The following WDPCP variants were observed in gnomAD, a reference collection of about 807,000 sequenced individuals.
The protein encoded by WDPCP is WD repeat containing planar cell polarity effector.
Under a neutral mutation model 93.1 loss-of-function variants are expected in WDPCP, and 71 were observed. That is an observed-to-expected ratio of 0.76 (90% CI 0.63 to 0.93). The LOEUF (loss-of-function observed/expected upper bound fraction) is 0.93, where lower values mean the gene tolerates loss of function less well. Ranked by LOEUF, WDPCP falls within the 40% of genes least tolerant of loss-of-function variation. The pLI is 0.00. For synonymous variants in WDPCP, 315 were observed against 315.0 expected, an observed-to-expected ratio of 1.00 and a Z score of 0.00; for missense variants, 844 against 887.4, an observed-to-expected ratio of 0.95 and a Z score of 0.62.
intron 12 of WDPCP, among the ~76,000 whole-genome samples, chr2:63,354,688 A>G (rs923757357): frequency 1.5e-4 from 22 of 150,806 alleles, no homozygotes; most frequent in Admixed American, 1.3e-4. Flanking sequence ...GTGTACATAT[A>G]TGTGTGTGTA....
At chr2:63,660,613 C>T (rs1710215953) in intron 2 of WDPCP, among the ~76,000 whole-genome samples, 1 of 152,138 alleles carries the variant, frequency 6.6e-6, no homozygotes, top group Admixed American at 6.5e-5. Context: ...ATGTACCCCC[C>T]TGTATCTAAA....
chr2:63,588,569 T>G (rs965780037), upstream of WDPCP: 6 of 552,142 alleles, frequency 1.1e-5, no homozygotes, highest in East Asian at 3.2e-5. Context: ...TCTCTTTACC[T>G]CCCACGTTTA....
rs1006993920 is a variant in WDPCP, at chr2:63,289,479, A to G, written c.1812+23769T>C. On this transcript the variant is annotated intron_variant, in intron 13 of 17. Coordinates refer to ENST00000272321, the MANE Select transcript of WDPCP (RefSeq NM_015910.7). ...TTTAGAGAAGTATTATTTACTTTGTATTTGGGAACTTCATAGATATTTGGA... is the reference window on the plus strand; with the variant it reads ...TTTAGAGAAGTATTATTTACTTTGTGTTTGGGAACTTCATAGATATTTGGA... 2.6e-5 allele frequency among the ~76,000 whole-genome samples: 4 copies of G among 152,030 alleles called. No individual in the cohort carries two copies. In the East Asian group the frequency reaches 5.8e-4, roughly 22 times the overall value.
intron 1 of WDPCP, among the ~76,000 whole-genome samples, chr2:63,543,801 G>T (rs1402922886): frequency 6.6e-6 from 1 of 151,936 alleles, no homozygotes; most frequent in African/African-American, 2.4e-5. Context: ...AAATCCTAGG[G>T]CATTTTAGAA....
chr2:63,664,668 G>T (rs921147356), intron 2 of WDPCP, among the ~76,000 whole-genome samples: 19 of 152,108 alleles, frequency 1.2e-4, no homozygotes, highest in African/African-American at 4.3e-4. Context: ...GTAGCCAAAA[G>T]ATATAACAAA....
the WDPCP span, among the ~76,000 whole-genome samples, chr2:63,834,361 T>C: frequency 7.4e-4 from 112 of 152,310 alleles, 1 homozygote; most frequent in South Asian, 9.1e-3. Flanking sequence ...TTGTAAACTC[T>C]TGTTGTAAGT....
intron 14 of WDPCP, among the ~76,000 whole-genome samples, chr2:63,205,833 T>A (rs74906952): frequency 0.017 from 2,611 of 152,318 alleles, 84 homozygotes; most frequent in African/African-American, 0.06. Context: ...TCTTGTCCGA[T>A]TGCTCTTGCT....
At chr2:63,510,789 T>C (rs1235801204) in intron 1 of WDPCP, among the ~76,000 whole-genome samples, 1 of 152,042 alleles carries the variant, frequency 6.6e-6, no homozygotes, top group Admixed American at 6.6e-5. Flanking sequence ...CTGGCCAACA[T>C]GGCAAACCCT....
At chr2:63,622,168 G>C in intron 3 of WDPCP, 14 of 1,582,256 alleles carry the variant, frequency 8.8e-6, no homozygotes, top group Non-Finnish European at 1.2e-5. Flanking sequence ...TGGTGGTGGT[G>C]GGCTGGCTAC....
At chr2:63,146,116 G>T (rs1011096324) in intron 17 of WDPCP, among the ~76,000 whole-genome samples, 4 of 152,160 alleles carry the variant, frequency 2.6e-5, no homozygotes, top group Admixed American at 1.3e-4. Context: ...CTGAGATTAT[G>T]GGGTTCTCTA....
At position 63,618,630 on chromosome 2, in the gene WDPCP, GT is replaced by G. The variant is rs1283578363; in HGVS notation, n.488+32028del. Among the ~76,000 whole-genome samples, 4 of 151,854 alleles carry G rather than the reference GT, an allele frequency of 2.6e-5. No homozygotes were observed. In the East Asian group the frequency reaches 7.7e-4, roughly 29 times the overall value. ...CCTTGGTTCACTTTTTGAAGCATGG[GT>G]ACTGTGGGCCTTTTAAAATGTGTTA... On this transcript the variant is annotated intron_variant and non_coding_transcript_variant, in intron 3 of 4. Coordinates refer to the WDPCP transcript ENST00000467687.
upstream of WDPCP, among the ~76,000 whole-genome samples, chr2:63,589,684 G>A (rs1458931642): frequency 3.3e-5 from 5 of 152,186 alleles, no homozygotes; most frequent in Non-Finnish European, 7.3e-5. Flanking sequence ...TGTATATTGT[G>A]AATTCCAGAA....
At chr2:63,524,517 G>A (rs1262111696) in intron 1 of WDPCP, among the ~76,000 whole-genome samples, 7 of 152,102 alleles carry the variant, frequency 4.6e-5, no homozygotes, top group African/African-American at 1.7e-4. Flanking sequence ...ACTCCCTATT[G>A]AATAAATGGT....
intron 13 of WDPCP, among the ~76,000 whole-genome samples, chr2:63,297,497 C>T (rs1432353857): frequency 6.6e-6 from 1 of 152,176 alleles, no homozygotes; most frequent in African/African-American, 2.4e-5. Context: ...CATGCCATTT[C>T]CTCTATTATT....
intron 2 of WDPCP, among the ~76,000 whole-genome samples, chr2:63,806,477 T>C (rs1020552671): frequency 6.6e-6 from 1 of 152,106 alleles, no homozygotes; most frequent in Non-Finnish European, 1.5e-5. Flanking sequence ...AAAAGTAAAA[T>C]TGCTAATGAA....
chr2:63,448,142 CTT>C (rs1697984952), intron 6 of WDPCP, among the ~76,000 whole-genome samples: 2 of 152,052 alleles, frequency 1.3e-5, no homozygotes, highest in African/African-American at 4.8e-5. Context: ...TGCTGATACT[CTT>C]TGTTCCATTT....
chr2:63,435,051 CATA>C (rs932567129), intron 8 of WDPCP, among the ~76,000 whole-genome samples: 4 of 151,962 alleles, frequency 2.6e-5, no homozygotes, highest in African/African-American at 9.7e-5. Context: ...TTTGCATGGC[CATA>C]ATATTATTGA....
At chr2:63,631,954 T>A (rs965585110) in intron 3 of WDPCP, among the ~76,000 whole-genome samples, 1 of 152,198 alleles carries the variant, frequency 6.6e-6, no homozygotes, top group African/African-American at 2.4e-5. Flanking sequence ...ATTATTGAGA[T>A]AATGAACAGT....
intron 12 of WDPCP, among the ~76,000 whole-genome samples, chr2:63,349,829 T>C (rs1477039013): frequency 1.3e-5 from 2 of 152,210 alleles, no homozygotes; most frequent in African/African-American, 4.8e-5. Context: ...ACTGCTCATC[T>C]CTGCTGAATA....
Sources: gnomAD v4.1 joint callset for allele counts (sites outside exome capture counted in the v4.1 genomes callset) on GRCh38, gnomAD v4.1.1 for gene constraint, MANE v1.5 for transcripts, NCBI Gene and HGNC (gene_info 2026-07-23, HGNC 2026-07-21) for gene names.